The following SNAP23 variants were observed in gnomAD, a reference collection of about 807,000 sequenced individuals.
SNAP23 encodes the protein synaptosome associated protein 23.
In SNAP23, 11 loss-of-function variants were observed where a neutral mutation model predicts 29.0. The observed-to-expected ratio is 0.38, with a 90% confidence interval of 0.24 to 0.63. The LOEUF (loss-of-function observed/expected upper bound fraction) is 0.63. Ranked by LOEUF, SNAP23 falls within the 20% of genes least tolerant of loss-of-function variation. The pLI is 0.58. For synonymous variants in SNAP23, 60 were observed against 82.9 expected, an observed-to-expected ratio of 0.72 and a Z score of 1.50; for missense variants, 220 against 253.9, an observed-to-expected ratio of 0.87 and a Z score of 0.91.
intron 5 of SNAP23, among the ~76,000 whole-genome samples, chr15:42,526,110 G>A (rs1252603647): frequency 1.3e-5 from 2 of 152,056 alleles, no homozygotes; most frequent in Middle Eastern, 3.2e-3. Context: ...TCCACAATCC[G>A]AAATTCTAAT....
At chr15:42,521,212 G>A (rs1370181934) in intron 5 of SNAP23, among the ~76,000 whole-genome samples, 1 of 152,054 alleles carries the variant, frequency 6.6e-6, no homozygotes, top group Admixed American at 6.6e-5. Context: ...AGAGTTTGAC[G>A]TGTAAAAAGA....
At chr15:42,491,296 G>C (rs929762581), upstream of SNAP23, 1 of 152,436 alleles carries the variant, frequency 6.6e-6, no homozygotes, top group Non-Finnish European at 1.5e-5. Context: ...TTGCGGGAGA[G>C]TCAGTACGCA....
chr15:42,524,107 C>T (rs752120136), intron 5 of SNAP23, among the ~76,000 whole-genome samples: 8 of 152,122 alleles, frequency 5.3e-5, no homozygotes, highest in African/African-American at 9.7e-5. Flanking sequence ...TGAGCCACCG[C>T]GCCTGGCTTT....
chr15:42,503,639 G>T (rs1360175786), intron 1 of SNAP23, among the ~76,000 whole-genome samples: 1 of 152,088 alleles, frequency 6.6e-6, no homozygotes. Flanking sequence ...CAAAGTGCTA[G>T]GATTACAGGC....
chr15:42,508,331 A>G (rs2141517711), intron 1 of SNAP23, among the ~76,000 whole-genome samples: 1 of 152,208 alleles, frequency 6.6e-6, no homozygotes, highest in South Asian at 2.1e-4. Context: ...ACTCCCGTCT[A>G]CAGAGGGCGG....
chr15:42,528,937 CT>C (rs1437481641), intron 6 of SNAP23, among the ~76,000 whole-genome samples: 1 of 152,120 alleles, frequency 6.6e-6, no homozygotes, highest in Non-Finnish European at 1.5e-5. Context: ...ATTAACTTTT[CT>C]TTATACTTTT....
rs1057197696 is a variant in SNAP23 at position 42,508,731 on chromosome 15, C to CT, written c.-14-3093dup. On this transcript the variant is annotated intron_variant, in intron 1 of 7. Coordinates refer to ENST00000249647, the MANE Select transcript of SNAP23 (RefSeq NM_003825.4). ...ATTCACTCCTAACTCTGGAGTTTTG[C>CT]TTTTTTTTTCCTAGGAAGCTAGCAA... Among the ~76,000 whole-genome samples, 12 of 151,206 alleles carry CT rather than the reference C, an allele frequency of 7.9e-5. No homozygotes were observed. In the South Asian group the frequency reaches 8.4e-4, roughly 11 times the overall value.
intron 1 of SNAP23, among the ~76,000 whole-genome samples, chr15:42,496,328 GA>G (rs1209525659): frequency 1.3e-5 from 2 of 151,554 alleles, no homozygotes; most frequent in African/African-American, 2.4e-5. Context: ...AGTGGGAGAG[GA>G]AAAAAAAGTC....
In SNAP23 at chr15:42,513,391, T is replaced by G. The variant is rs1209228843; in HGVS notation, c.100-8T>G. 1 of 1,613,202 alleles carries G rather than the reference T, an allele frequency of 6.2e-7. No homozygotes were observed. Among genetic ancestry groups the G allele is most frequent in the Admixed American group, 1.7e-5 (1 of 60,000 alleles). ...GTTGTACTATCAGCTTTTCCCCCCT[T>G]GTCTTAGTCTCAGGATGCAGGAATC... is the stretch of plus-strand genomic sequence containing the variant. On this transcript the variant is annotated splice_region_variant and splice_polypyrimidine_tract_variant and intron_variant, in intron 3 of 7. Coordinates refer to ENST00000249647, the MANE Select transcript of SNAP23 (RefSeq NM_003825.4).
intron 1 of SNAP23, among the ~76,000 whole-genome samples, chr15:42,509,225 T>TA (rs1426518301): frequency 6.6e-6 from 1 of 152,152 alleles, no homozygotes; most frequent in African/African-American, 2.4e-5. Context: ...GTATGTATGA[T>TA]AAAGCTTAAG....
intron 1 of SNAP23, among the ~76,000 whole-genome samples, chr15:42,504,802 C>T (rs1362332806): frequency 6.6e-6 from 1 of 152,170 alleles, no homozygotes; most frequent in Non-Finnish European, 1.5e-5. Flanking sequence ...GCTGGAATTC[C>T]CACTCACCCA....
intron 2 of SNAP23, 111 bp downstream of exon 2, chr15:42,512,014 A>C: frequency 1.9e-6 from 1 of 526,974 alleles, no homozygotes; most frequent in East Asian, 3.3e-5. Context: ...ATTAATATCA[A>C]AGAACACATT....
At chr15:42,492,180 G>A (rs2057172460), upstream of SNAP23, among the ~76,000 whole-genome samples, 1 of 151,862 alleles carries the variant, frequency 6.6e-6, no homozygotes, top group Admixed American at 6.6e-5. Context: ...CTAAGTGCTG[G>A]TATTACAGGT....
chr15:42,517,957 C>T (rs572221539), intron 5 of SNAP23, among the ~76,000 whole-genome samples: 2 of 152,240 alleles, frequency 1.3e-5, no homozygotes, highest in East Asian at 3.9e-4. Context: ...AAGAAATCCT[C>T]CCACTTCAGC....
chr15:42,513,215 T>C (rs553251620), intron 3 of SNAP23, 184 bp from the exon 4 acceptor site: 1 of 751,688 alleles, frequency 1.3e-6, no homozygotes, highest in Admixed American at 2.0e-5. Flanking sequence ...TATGAGTTTG[T>C]GACTTAATTA....
At chr15:42,500,864 G>A (rs1247672425) in intron 1 of SNAP23, among the ~76,000 whole-genome samples, 1 of 152,058 alleles carries the variant, frequency 6.6e-6, no homozygotes, top group African/African-American at 2.4e-5. Flanking sequence ...CTGACATTTT[G>A]GTTTGGGTTT....
At chr15:42,502,884 A>G (rs1260237980) in intron 1 of SNAP23, among the ~76,000 whole-genome samples, 5 of 152,232 alleles carry the variant, frequency 3.3e-5, no homozygotes, top group Admixed American at 2.6e-4. Context: ...CTAATTTGAC[A>G]GGGACTTGAA....
intron 1 of SNAP23, among the ~76,000 whole-genome samples, chr15:42,502,511 A>G (rs569638901): frequency 4.6e-4 from 68 of 147,034 alleles, no homozygotes; most frequent in Middle Eastern, 6.8e-3. Flanking sequence ...GAGCCACCCT[A>G]TATCTACCTA....
At chr15:42,522,057 T>C (rs1429378773) in intron 5 of SNAP23, 1 of 158,468 alleles carries the variant, frequency 6.3e-6, no homozygotes, top group African/African-American at 2.4e-5. Context: ...TTCATAGACT[T>C]TGATTTTAGC....
Sources: allele counts gnomAD v4.1 joint callset (sites outside exome capture counted in the v4.1 genomes callset), GRCh38; gene constraint gnomAD v4.1.1; transcripts MANE v1.5; gene names NCBI Gene and HGNC (gene_info 2026-07-23, HGNC 2026-07-21).